The following GTF2IRD1 variants were observed in gnomAD, a reference collection of about 807,000 sequenced individuals.
GTF2IRD1 encodes the protein GTF2I repeat domain containing 1.
Under a neutral mutation model 113.2 loss-of-function variants are expected in GTF2IRD1, and 26 were observed. The observed-to-expected ratio is 0.23, with a 90% CI of 0.17 to 0.32. The LOEUF is 0.32. Among genes scored for constraint, GTF2IRD1 ranks in the 10% least tolerant of loss-of-function variants. The pLI is 1.00. For synonymous variants in GTF2IRD1, 484 were observed against 529.1 expected (o/e 0.91, Z 1.17); for missense variants, 864 against 1,280.8 (o/e 0.67, Z 4.97).
intron 22 of GTF2IRD1, among the ~76,000 whole-genome samples, chr7:74,575,921 AC>A (rs1199617835): frequency 6.6e-6 from 1 of 151,950 alleles, no homozygotes; most frequent in Admixed American, 6.6e-5. Context: ...TCACGCCAGC[AC>A]TCTGGAAGGC....
In GTF2IRD1 at chr7:74,555,050, T is replaced by A; in HGVS notation, c.1917-124T>A. 1.2e-6 allele frequency: 1 copy of A among 858,630 alleles called. No homozygotes were observed. The highest frequency in any genetic ancestry group is 1.8e-6 in the Non-Finnish European group (1 of 547,376). The allele number at this position is 858,630 out of a possible 1,614,324, so 53.2% of individuals were successfully genotyped here. ...TGTGGGGCGGCAGGGACTCCAGGCC[T>A]GAACTATGCATAGCCAGAAGGGTCC... On this transcript the variant is annotated intron_variant, in intron 17 of 26. Coordinates refer to ENST00000424337, the MANE Select transcript of GTF2IRD1 (RefSeq NM_005685.4). The surrounding 1 kb of genome is among the most constrained non-coding windows in gnomAD (Gnocchi z 5.3).
Position 74,527,806 on chromosome 7 carries a change from A to C in GTF2IRD1, c.1091-1928A>C, listed in dbSNP as rs75416403. Among the ~76,000 whole-genome samples, 3,752 of 152,162 alleles carry C rather than the reference A, an allele frequency of 0.025. 378 individuals are homozygous for C. The East Asian group carries it at 0.34, about 14-fold the overall frequency. On this transcript the variant is annotated intron_variant, in intron 8 of 26. Transcript: ENST00000424337. ...CAGTGAGCCAAGATTGTGCCGCTGC[A>C]CTCCAGCCTGGGCAACAGAGCAAGA...
chr7:74,508,016 C>T, intron 1 of GTF2IRD1, 59 bp from the exon 2 acceptor site: 1 of 1,548,472 alleles, frequency 6.5e-7, no homozygotes, highest in Non-Finnish European at 8.7e-7. Flanking sequence ...TGGGCAGCCA[C>T]CATATGAGAC....
At chr7:74,545,620 C>A (rs1798877565) in intron 15 of GTF2IRD1, 124 bp from the exon 16 acceptor site, 4 of 723,854 alleles carry the variant, frequency 5.5e-6, no homozygotes, top group East Asian at 2.6e-5. Flanking sequence ...ACCCACCGCC[C>A]CAGCCCCAGC....
At chr7:74,483,236 G>C (rs1418659603) in intron 1 of GTF2IRD1, among the ~76,000 whole-genome samples, 1 of 152,108 alleles carries the variant, frequency 6.6e-6, no homozygotes, top group East Asian at 1.9e-4. Flanking sequence ...AGTGTTTGAA[G>C]TTTGCTCTTA....
chr7:74,593,596 G>A (rs1583981880), intron 24 of GTF2IRD1, among the ~76,000 whole-genome samples: 2 of 151,844 alleles, frequency 1.3e-5, no homozygotes, highest in African/African-American at 2.4e-5. Flanking sequence ...AGCCGGGCGT[G>A]GCGCAGGGCA....
At chr7:74,566,631 C>A (rs1787963116) in intron 22 of GTF2IRD1, among the ~76,000 whole-genome samples, 1 of 152,166 alleles carries the variant, frequency 6.6e-6, no homozygotes, top group South Asian at 2.1e-4. Flanking sequence ...TGTGAGCCAC[C>A]ATGCCTGACC....
intron 5 of GTF2IRD1, among the ~76,000 whole-genome samples, chr7:74,518,723 AT>A (rs1457633962): frequency 3.9e-5 from 6 of 152,080 alleles, no homozygotes; most frequent in Non-Finnish European, 5.9e-5. Flanking sequence ...CTGCCAAAAA[AT>A]AAAAATAAAA....
chr7:74,540,599 T>C (rs782799791), intron 14 of GTF2IRD1, among the ~76,000 whole-genome samples: 7 of 151,464 alleles, frequency 4.6e-5, no homozygotes, highest in Admixed American at 2.0e-4. Context: ...CAAGCAGAAG[T>C]CCCCACCTCC....
intron 1 of GTF2IRD1, among the ~76,000 whole-genome samples, chr7:74,501,338 G>C (rs1554339443): frequency 6.6e-6 from 1 of 152,154 alleles, no homozygotes; most frequent in African/African-American, 2.4e-5. Flanking sequence ...TCAGCTTTGC[G>C]ACATCCTTGT....
chr7:74,512,748 C>A lies in GTF2IRD1; in HGVS notation c.124-82C>A. ...CTGGGGTCTCAGGCAGCTGGGAGCT[C>A]ACATCCCACCCCCGAAGTGGATACT... On this transcript the variant is annotated intron_variant, in intron 2 of 26. Coordinates refer to ENST00000424337, the MANE Select transcript of GTF2IRD1 (RefSeq NM_005685.4). This position sits in a 1 kb window ranked among gnomAD's most constrained non-coding sequence, Gnocchi z 4.4. 7.3e-7 allele frequency: 1 copy of A among 1,370,578 alleles called. No individual in the cohort carries two copies. The highest frequency in any genetic ancestry group is 1.0e-6 in the Non-Finnish European group (1 of 990,890). 84.9% of individuals were successfully genotyped at this position (1,370,578 alleles called of 1,614,324 possible).
In GTF2IRD1 at chr7:74,593,711, T is replaced by A. The variant is rs184346260; in HGVS notation, c.2592-1303T>A. On this transcript the variant is annotated intron_variant, in intron 24 of 26. Transcript: ENST00000424337. ...TAGTGTCACTGCACTCCAGCCTGGATGACAGAGCGAGACTCCATCTCAAAA... is the reference window on the plus strand; with the variant it reads ...TAGTGTCACTGCACTCCAGCCTGGAAGACAGAGCGAGACTCCATCTCAAAA... 1.3e-4 allele frequency among the ~76,000 whole-genome samples: 17 copies of A among 135,978 alleles called. No individual in the cohort carries two copies. In the East Asian group the frequency reaches 3.5e-3, roughly 28 times the overall value. The allele number at this position is 135,978 out of a possible 152,430, so 89.2% of individuals were successfully genotyped here. A position where few individuals can be genotyped will look rare whatever the true frequency, so the allele number is the denominator to read the frequency against.
intron 23 of GTF2IRD1, 44 bp downstream of exon 23, chr7:74,589,972 G>T (rs782341411): frequency 2.7e-5 from 33 of 1,239,244 alleles, no homozygotes. Context: ...CCCTCCTCCC[G>T]GGGGTGGTGG....
Position 74,464,921 on chromosome 7 carries a change from G to T in GTF2IRD1, c.-7+10745G>T, listed in dbSNP as rs375904029. On this transcript the variant is annotated intron_variant, in intron 1 of 26. Coordinates refer to ENST00000424337, the MANE Select transcript of GTF2IRD1 (RefSeq NM_005685.4). Reference sequence around the variant, plus strand: ...CCCTGGGGCCAGCACTCGGTGGGTAGCCTGGAAAGAGGTTAGCCCTGTGCA... The same window carrying T: ...CCCTGGGGCCAGCACTCGGTGGGTATCCTGGAAAGAGGTTAGCCCTGTGCA... Among the ~76,000 whole-genome samples, 166 of 152,188 alleles carry T rather than the reference G, an allele frequency of 1.1e-3. 1 individual carries two copies. The highest frequency in any genetic ancestry group is 3.7e-3 in the African/African-American group (154 of 41,510).
chr7:74,521,128 A>G (rs1797270686), intron 6 of GTF2IRD1, 80 bp from the exon 7 acceptor site: 2 of 781,914 alleles, frequency 2.6e-6, no homozygotes, highest in Non-Finnish European at 4.5e-6. Context: ...CCCCAGAGCC[A>G]GGGCCTGTGC....
At chr7:74,551,857 ACC>A (rs1799328030) in intron 17 of GTF2IRD1, among the ~76,000 whole-genome samples, 6 of 151,494 alleles carry the variant, frequency 4.0e-5, no homozygotes, top group Admixed American at 1.3e-4. Context: ...AATCACTTGA[ACC>A]TGGGAGGTGG....
intron 1 of GTF2IRD1, among the ~76,000 whole-genome samples, chr7:74,478,719 G>T (rs1374417516): frequency 6.6e-6 from 1 of 150,710 alleles, no homozygotes; most frequent in African/African-American, 2.4e-5. Context: ...GCCTCCCAAA[G>T]TGCTGGGATT....
At chr7:74,461,031 C>T (rs1181087413) in intron 1 of GTF2IRD1, among the ~76,000 whole-genome samples, 1 of 152,226 alleles carries the variant, frequency 6.6e-6, no homozygotes, top group Admixed American at 6.5e-5. Context: ...CTTCCGCCCG[C>T]CTGGGCAGTT....
intron 1 of GTF2IRD1, among the ~76,000 whole-genome samples, chr7:74,483,362 G>T (rs1554334998): frequency 6.6e-6 from 1 of 151,462 alleles, no homozygotes; most frequent in Admixed American, 6.6e-5. Flanking sequence ...ACATAGCAAG[G>T]CCCCATCTCT....
Sources: allele counts gnomAD v4.1 joint callset (sites outside exome capture counted in the v4.1 genomes callset), GRCh38; gene constraint gnomAD v4.1.1; non-coding constraint Gnocchi (gnomAD v3.1); transcripts MANE v1.5; gene names NCBI Gene and HGNC (gene_info 2026-07-23, HGNC 2026-07-21).